Variants in POM121 observed in about 807,000 individuals in gnomAD.
The protein encoded by POM121 is nuclear envelope pore membrane protein POM 121.
In POM121, 32 loss-of-function variants were observed where a neutral mutation model predicts 81.3. The ratio of observed to expected loss-of-function variants is 0.39; its 90% CI spans 0.30 to 0.53. The LOEUF (loss-of-function observed/expected upper bound fraction) is 0.53, where lower values mean the gene tolerates loss of function less well. Among genes scored for constraint, POM121 ranks in the 20% least tolerant of loss-of-function variants. POM121 has a pLI of 0.66. For synonymous variants in POM121, 514 were observed against 694.2 expected (o/e 0.74, Z 4.08); for missense variants, 1,138 against 1,614.6 (o/e 0.70, Z 5.06).
At position 72,893,355 on chromosome 7, in the gene POM121, G is replaced by A. The variant is rs534517869; in HGVS notation, c.-216+2245G>A. On this transcript the variant is annotated intron_variant, in intron 3 of 15. Transcript: ENST00000395270. ...TCCCAGCACTTTGGGAGGCCGAGGCGGGCGGATCACGAGGTCAGGAGATCG... is the reference window on the plus strand; with the variant it reads ...TCCCAGCACTTTGGGAGGCCGAGGCAGGCGGATCACGAGGTCAGGAGATCG... 2.1e-3 allele frequency among the ~76,000 whole-genome samples: 320 copies of A among 152,044 alleles called. 2 individuals are homozygous for A. Among genetic ancestry groups the A allele is most frequent in the African/African-American group, 7.4e-3 (306 of 41,550 alleles).
intron 3 of POM121, among the ~76,000 whole-genome samples, chr7:72,911,381 G>T (rs1416007609): frequency 6.6e-6 from 1 of 152,232 alleles, no homozygotes; most frequent in Non-Finnish European, 1.5e-5. Flanking sequence ...ACAACATTTG[G>T]CATTGAAAAT....
chr7:72,912,037 T>A (rs1388717027), intron 3 of POM121, among the ~76,000 whole-genome samples: 1 of 152,176 alleles, frequency 6.6e-6, no homozygotes, highest in Non-Finnish European at 1.5e-5. Context: ...GACTACAGGT[T>A]CACGCTACCA....
chr7:72,926,681 G>T, intron 2 of POM121, 121 bp from the exon 3 acceptor site: 6 of 1,498,254 alleles, frequency 4.0e-6, no homozygotes, highest in Non-Finnish European at 5.4e-6. Context: ...GGGAACTGCT[G>T]TGAGTGTATA....
chr7:72,915,480 C>T (rs1554494962), intron 4 of POM121, among the ~76,000 whole-genome samples: 1 of 152,146 alleles, frequency 6.6e-6, no homozygotes, highest in Non-Finnish European at 1.5e-5. Flanking sequence ...TCAAGCAATT[C>T]TTCTGCCTCA....
At chr7:72,921,213 A>C (rs1163399113), upstream of POM121, among the ~76,000 whole-genome samples, 3 of 152,110 alleles carry the variant, frequency 2.0e-5, no homozygotes, top group Admixed American at 1.3e-4. Flanking sequence ...TAAATAAAGA[A>C]AAGACTACCT....
At chr7:72,939,551 T>C in intron 7 of POM121, 142 bp downstream of exon 7, 9 of 1,381,952 alleles carry the variant, frequency 6.5e-6, no homozygotes, top group Non-Finnish European at 8.7e-6. Flanking sequence ...AGATTTCCTC[T>C]CCTTCAGAAG....
chr7:72,882,023 A>G (rs1424416299), intron 1 of POM121, among the ~76,000 whole-genome samples: 1 of 152,202 alleles, frequency 6.6e-6, no homozygotes, highest in Non-Finnish European at 1.5e-5. Flanking sequence ...TGATTTGTGA[A>G]GCTTGTATGT....
chr7:72,893,007 G>A (rs1336262776), intron 3 of POM121, among the ~76,000 whole-genome samples: 1 of 151,944 alleles, frequency 6.6e-6, no homozygotes, highest in Non-Finnish European at 1.5e-5. Context: ...CACTGAGGCT[G>A]GAGTGCAGTG....
At chr7:72,885,149 ATCTT>A (rs1368820980) in intron 1 of POM121, among the ~76,000 whole-genome samples, 1 of 152,128 alleles carries the variant, frequency 6.6e-6, no homozygotes, top group Non-Finnish European at 1.5e-5. Context: ...GGTTTCCCTG[ATCTT>A]TCTTCATGAT....
chr7:72,918,908 C>T (rs1321000071), intron 4 of POM121, among the ~76,000 whole-genome samples: 2 of 152,166 alleles, frequency 1.3e-5, no homozygotes, highest in Non-Finnish European at 2.9e-5. Context: ...AGCGATTCTC[C>T]TGCCTCAGCC....
intron 5 of POM121, among the ~76,000 whole-genome samples, chr7:72,937,170 G>A (rs1447036675): frequency 2.0e-5 from 3 of 151,708 alleles, no homozygotes; most frequent in Non-Finnish European, 4.4e-5. Context: ...CAGGAGAATC[G>A]CTTGAACCAG....
intron 3 of POM121, among the ~76,000 whole-genome samples, chr7:72,901,010 G>T (rs1396991188): frequency 2.0e-5 from 3 of 150,790 alleles, no homozygotes; most frequent in Non-Finnish European, 4.4e-5. Flanking sequence ...TTAAGAGATG[G>T]CATCTCCCTT....
intron 4 of POM121, among the ~76,000 whole-genome samples, chr7:72,916,765 A>G (rs1187194474): frequency 6.6e-6 from 1 of 152,162 alleles, no homozygotes; most frequent in Admixed American, 6.5e-5. Flanking sequence ...TAGTATAGCC[A>G]TTTTCACAAT....
At chr7:72,890,733 A>G (rs1554490776) in exon 2 of POM121, 2 of 1,601,868 alleles carry the variant, frequency 1.2e-6, no homozygotes, top group Non-Finnish European at 1.7e-6. Flanking sequence ...TTGGAGAACT[A>G]CAGCCATCTA....
At chr7:72,922,636 C>G (rs1199949946), upstream of POM121, among the ~76,000 whole-genome samples, 1 of 151,982 alleles carries the variant, frequency 6.6e-6, no homozygotes, top group Non-Finnish European at 1.5e-5. Context: ...AAGCGATCCG[C>G]CCACCTTGGC....
chr7:72,905,047 AAG>A (rs1253822790), intron 3 of POM121, among the ~76,000 whole-genome samples: 1 of 152,192 alleles, frequency 6.6e-6, no homozygotes, highest in Non-Finnish European at 1.5e-5. Flanking sequence ...TGTGGGGACA[AAG>A]AGCCACATCA....
At chr7:72,898,691 G>A (rs1792221055) in intron 3 of POM121, among the ~76,000 whole-genome samples, 1 of 151,416 alleles carries the variant, frequency 6.6e-6, no homozygotes, top group Non-Finnish European at 1.5e-5. Context: ...CCAGGTACTC[G>A]GTAGGCTGAG....
intron 3 of POM121, among the ~76,000 whole-genome samples, chr7:72,912,341 G>A (rs572055658): frequency 1.4e-4 from 22 of 152,268 alleles, no homozygotes; most frequent in East Asian, 1.2e-3. Context: ...AATAAGACAC[G>A]CAGCACAGTG....
chr7:72,904,028 T>C (rs1792979686), intron 3 of POM121, among the ~76,000 whole-genome samples: 1 of 152,192 alleles, frequency 6.6e-6, no homozygotes, highest in Admixed American at 6.5e-5. Flanking sequence ...GGTCTCGAAC[T>C]CCTGGCCTCA....
Sources: allele counts gnomAD v4.1 joint callset (sites outside exome capture counted in the v4.1 genomes callset), GRCh38; gene constraint gnomAD v4.1.1; transcripts MANE v1.5; gene names NCBI Gene and HGNC (gene_info 2026-07-23, HGNC 2026-07-21).